Variants in CALN1 observed in about 807,000 individuals in gnomAD.
The protein encoded by CALN1 is calneuron 1.
CALN1 carries 17 observed loss-of-function variants against 30.6 expected under a neutral mutation model. The observed-to-expected ratio is 0.56, with a 90% CI of 0.38 to 0.83. The LOEUF (loss-of-function observed/expected upper bound fraction) is 0.83. Ranked by LOEUF, CALN1 falls within the 40% of genes least tolerant of loss-of-function variation. The probability of loss-of-function intolerance (pLI) is 0.00; values close to 1 mark genes in which losing one functional copy is unlikely to be tolerated. For synonymous variants in CALN1, 156 were observed against 131.4 expected (o/e 1.19, Z -1.28); for missense variants, 291 against 354.9 (o/e 0.82, Z 1.45).
chr7:71,830,124 A>G (rs1472983796), intron 5 of CALN1, among the ~76,000 whole-genome samples: 4 of 150,918 alleles, frequency 2.7e-5, no homozygotes, highest in Non-Finnish European at 5.9e-5. Flanking sequence ...GCTCACTGCA[A>G]CCTCTGCCTC....
chr7:71,798,584 G>T (rs896877135), intron 6 of CALN1, among the ~76,000 whole-genome samples: 1 of 150,454 alleles, frequency 6.6e-6, no homozygotes, highest in Non-Finnish European at 1.5e-5. Context: ...TGGATTACAG[G>T]TGTGAGCCAC....
At chr7:71,841,209 T>C (rs1017253592) in intron 5 of CALN1, among the ~76,000 whole-genome samples, 1 of 152,134 alleles carries the variant, frequency 6.6e-6, no homozygotes, top group Non-Finnish European at 1.5e-5. Context: ...CACAGGATCA[T>C]TGAAAGTAGA....
At chr7:72,025,148 T>C (rs1020236969) in intron 4 of CALN1, among the ~76,000 whole-genome samples, 1 of 151,998 alleles carries the variant, frequency 6.6e-6, no homozygotes, top group Non-Finnish European at 1.5e-5. Flanking sequence ...CTGTCTCTAC[T>C]AAAAGTACAA....
intron 3 of CALN1, among the ~76,000 whole-genome samples, chr7:72,219,045 A>C (rs1003502076): frequency 1.3e-5 from 2 of 152,038 alleles, no homozygotes; most frequent in African/African-American, 4.8e-5. Flanking sequence ...GAATTACCCC[A>C]CTCTTGACTC....
chr7:72,247,308 G>C (rs1369630879), intron 3 of CALN1, among the ~76,000 whole-genome samples: 1 of 136,230 alleles, frequency 7.3e-6, no homozygotes. Context: ...GAGTGCAGTG[G>C]CGCGACGTTG....
intron 4 of CALN1, among the ~76,000 whole-genome samples, chr7:72,079,676 G>A (rs1290016763): frequency 6.6e-6 from 1 of 151,694 alleles, no homozygotes; most frequent in Non-Finnish European, 1.5e-5. Context: ...TAGGAACTTG[G>A]GCCAGCTCCT....
At chr7:72,272,959 T>G (rs913074726) in intron 3 of CALN1, among the ~76,000 whole-genome samples, 1 of 151,032 alleles carries the variant, frequency 6.6e-6, no homozygotes, top group Non-Finnish European at 1.5e-5. Context: ...AGCTTGGGAA[T>G]GGGAAGGAGA....
chr7:72,047,940 T>C (rs1328860754), intron 4 of CALN1, among the ~76,000 whole-genome samples: 1 of 152,080 alleles, frequency 6.6e-6, no homozygotes, highest in Non-Finnish European at 1.5e-5. Context: ...GACAGTGGTC[T>C]CCATGATGTG....
chr7:72,193,731 T>C (rs1271354255), intron 3 of CALN1, among the ~76,000 whole-genome samples: 2 of 152,216 alleles, frequency 1.3e-5, no homozygotes, highest in Non-Finnish European at 2.9e-5. Context: ...AGTAAAAATA[T>C]TCTATCAGTC....
chr7:72,280,933 A>T (rs113630172), intron 2 of CALN1, among the ~76,000 whole-genome samples: 3 of 152,238 alleles, frequency 2.0e-5, no homozygotes, highest in African/African-American at 7.2e-5. Context: ...ACCTGAGGTC[A>T]GGAGTTCGAG....
chr7:72,221,772 C>A (rs759046570), intron 3 of CALN1, among the ~76,000 whole-genome samples: 14 of 151,524 alleles, frequency 9.2e-5, no homozygotes, highest in Non-Finnish European at 1.5e-5. Context: ...TGCCTGTAAT[C>A]CCAGCAACTC....
chr7:71,847,884 C>A (rs2116561894), intron 5 of CALN1, among the ~76,000 whole-genome samples: 1 of 149,824 alleles, frequency 6.7e-6, no homozygotes, highest in East Asian at 2.1e-4. Flanking sequence ...TTTTGCTCGG[C>A]TCTCTCATTC....
chr7:72,487,917 A>AGAAGGAAGGAAGGAAGGAAG, the CALN1 span, among the ~76,000 whole-genome samples: 1 of 62,242 alleles, frequency 1.6e-5, no homozygotes, highest in African/African-American at 8.1e-5. Flanking sequence ...AAAGAAAGAA[A>AGAAGGAAGGAAGGAAGGAAG]GAAGGAAGGA....
chr7:72,254,389 A>G (rs1795771735), intron 3 of CALN1, among the ~76,000 whole-genome samples: 1 of 152,054 alleles, frequency 6.6e-6, no homozygotes. Flanking sequence ...TCTGCCTGGT[A>G]ATTTGTTAAG....
intron 2 of CALN1, among the ~76,000 whole-genome samples, chr7:72,304,171 G>T (rs1042529399): frequency 6.6e-6 from 1 of 152,206 alleles, no homozygotes; most frequent in Non-Finnish European, 1.5e-5. Flanking sequence ...AGTTAATAAA[G>T]AAAGACTTAA....
At chr7:72,205,551 A>AATATATATATATATATATATATAT (rs1554319583) in intron 3 of CALN1, among the ~76,000 whole-genome samples, 19 of 82,862 alleles carry the variant, frequency 2.3e-4, no homozygotes, top group South Asian at 4.9e-4. Context: ...GCAAAAAAAA[A>AATATATATATATATATATATATAT]ATATATATAT....
At chr7:72,014,535 A>C (rs1184957789) in intron 5 of CALN1, among the ~76,000 whole-genome samples, 1 of 152,154 alleles carries the variant, frequency 6.6e-6, no homozygotes, top group Non-Finnish European at 1.5e-5. Flanking sequence ...GTTTATTTCA[A>C]ATGTCTATCA....
chr7:72,436,014 G>A lies in CALN1; in HGVS notation c.-226+11028C>T, dbSNP rs560149092. Among the ~76,000 whole-genome samples the A allele has an allele frequency of 2.6e-5, 4 of 152,162 alleles. No homozygotes were observed. The South Asian group carries it at 6.2e-4, about 24-fold the overall frequency. On this transcript the variant is annotated intron_variant, in intron 1 of 6. Coordinates refer to the CALN1 transcript ENST00000395276. ...TGGCTGCAAGGGAAATGTGAGCTAT[G>A]AGATGCCCCCCAGCCTGGGTCTAAA...
intron 5 of CALN1, among the ~76,000 whole-genome samples, chr7:72,002,960 G>C (rs1332994074): frequency 6.6e-6 from 1 of 152,138 alleles, no homozygotes; most frequent in African/African-American, 2.4e-5. Flanking sequence ...GTAGGAGAAA[G>C]TTCAGGAGAT....
Sources: gnomAD v4.1 joint callset for allele counts (sites outside exome capture counted in the v4.1 genomes callset) on GRCh38, gnomAD v4.1.1 for gene constraint, MANE v1.5 for transcripts, NCBI Gene and HGNC (gene_info 2026-07-23, HGNC 2026-07-21) for gene names.